The following CEP43 variants were observed in gnomAD, a reference collection of about 807,000 sequenced individuals.
CEP43 encodes the protein centrosomal protein 43.
CEP43 carries 36 observed loss-of-function variants against 52.6 expected under a neutral mutation model. The observed-to-expected ratio is 0.68, with a 90% CI of 0.52 to 0.90. The LOEUF (loss-of-function observed/expected upper bound fraction) is 0.90. Among genes scored for constraint, CEP43 ranks in the 40% least tolerant of loss-of-function variants. The pLI, the probability that CEP43 is intolerant of heterozygous loss-of-function variation, is 0.00. For missense variants in CEP43, 506 were observed against 472.8 expected (o/e 1.07, Z -0.65); for synonymous variants, 192 against 172.4 (o/e 1.11, Z -0.89).
At chr6:167,036,734 A>G in intron 12 of CEP43, 18 of 984,416 alleles carry the variant, frequency 1.8e-5, no homozygotes, top group Non-Finnish European at 2.2e-5. Context: ...ATAGTTTTGA[A>G]CTAAGTTGGT....
chr6:167,038,601 A>T (rs2128668700), intron 12 of CEP43, among the ~76,000 whole-genome samples: 1 of 152,316 alleles, frequency 6.6e-6, no homozygotes, highest in South Asian at 2.1e-4. Context: ...ATTAAATTGG[A>T]ATAATGGCTA....
At position 167,004,476 on chromosome 6, in the gene CEP43, A is replaced by G. The variant is rs2128657553; in HGVS notation, c.438+75A>G. 5 of 1,247,198 alleles carry G rather than the reference A, an allele frequency of 4.0e-6. No individual in the cohort carries two copies. The East Asian group carries it at 1.1e-4, about 26-fold the overall frequency. 77.3% of individuals were successfully genotyped at this position (1,247,198 alleles called of 1,614,324 possible). On this transcript the variant is annotated intron_variant, in intron 5 of 12. Transcript: ENST00000366847. ...AGTTTAGCCATGCAGATTAGTGCAT[A>G]TATAGTAAATTAAGGTTTTCATACT...
chr6:167,012,261 C>G (rs1168776833), intron 6 of CEP43, among the ~76,000 whole-genome samples: 1 of 152,110 alleles, frequency 6.6e-6, no homozygotes, highest in African/African-American at 2.4e-5. Context: ...GTTTGGAAAA[C>G]TAAGGAATTT....
chr6:167,036,939 G>C (rs1021134305), intron 12 of CEP43: 1 of 178,144 alleles, frequency 5.6e-6, no homozygotes, highest in Admixed American at 6.5e-5. Flanking sequence ...TGAGTAGCTA[G>C]GACCACAGGC....
In CEP43 at chr6:167,050,674, G is replaced by T. The variant is rs1448495988; in HGVS notation, c.*10696G>T. On this transcript the variant is annotated 3_prime_UTR_variant, in exon 13 of 13. Transcript: ENST00000366847. ...TGCCCGCCTATAGTCCCATCTACTT[G>T]GGAGGCTGAGGCAGGGGAATTGCTT... 2 of 151,572 alleles carry T rather than the reference G, an allele frequency of 1.3e-5. No homozygotes were observed. The highest frequency in any genetic ancestry group is 2.9e-5 in the Non-Finnish European group (2 of 68,036). The allele number at this position is 151,572 out of a possible 1,614,324, so 9.4% of individuals were successfully genotyped here.
intron 7 of CEP43, among the ~76,000 whole-genome samples, chr6:167,018,296 G>A (rs2128662518): frequency 6.6e-6 from 1 of 152,296 alleles, no homozygotes; most frequent in South Asian, 2.1e-4. Context: ...GGAGTTAGGG[G>A]TTTCAACATA....
At chr6:167,013,408 T>C (rs1230948477) in intron 6 of CEP43, 100 bp from the exon 7 acceptor site, 1 of 955,308 alleles carries the variant, frequency 1.0e-6, no homozygotes, top group Non-Finnish European at 1.6e-6. Flanking sequence ...GTTCCACTTC[T>C]GAGACATTTT....
In CEP43 at chr6:167,024,806, A is replaced by T; in HGVS notation, c.831A>T (p.Ala277=). The change falls in exon 9 of 13, where the codon GCA becomes GCT. Residue 277 remains alanine (A), a synonymous_variant. Coordinates refer to ENST00000366847, the MANE Select transcript of CEP43 (RefSeq NM_007045.4). The part of the protein sequence containing the change: ...YGLRKEPRKQ[A]GSLASLSDAP... ...GGAGGAAGGAACCTAGGAAGCAAGCAGGAAGTCTGGCCTCGCTCTCGGATG... is the reference window on the plus strand; with the variant it reads ...GGAGGAAGGAACCTAGGAAGCAAGCTGGAAGTCTGGCCTCGCTCTCGGATG... 1 of 1,613,666 alleles carries T rather than the reference A, an allele frequency of 6.2e-7. No homozygotes were observed. Among genetic ancestry groups the T allele is most frequent in the Non-Finnish European group, 8.5e-7 (1 of 1,179,688 alleles).
rs1233101163 is a variant in CEP43, at chr6:167,013,569, T to A, written c.579+2T>A. 1 of 1,613,452 alleles carries A rather than the reference T, an allele frequency of 6.2e-7. No homozygotes were observed. Among genetic ancestry groups the A allele is most frequent in the South Asian group, 1.1e-5 (1 of 91,054 alleles). ...AGCGGGCAGAAGGCTGGTGACAAGG[T>A]AACATGCATGAGGGCAGAGGAGAAA... On this transcript the variant is annotated splice_donor_variant, in intron 7 of 12. Transcript: ENST00000366847. LOFTEE classifies it high-confidence loss of function.
intron 12 of CEP43, among the ~76,000 whole-genome samples, chr6:167,035,099 C>T (rs1014907796): frequency 6.6e-6 from 1 of 152,156 alleles, no homozygotes; most frequent in Non-Finnish European, 1.5e-5. Flanking sequence ...CATTGGGGGC[C>T]TTGGATGGCG....
In CEP43 at chr6:166,999,442, C is replaced by T. The variant is rs757570793; in HGVS notation, c.30C>T (p.Ala10=). The change falls in exon 1 of 13, where the codon GCC becomes GCT. Residue 10 remains alanine, a synonymous_variant. Transcript: ENST00000366847. ...CGGCGACGGCGGCCGCAGTGGTGGC[C>T]GAGGAGGACACGGAGCTGCGGGACC... is the stretch of plus-strand genomic sequence containing the variant. MAATAAAVV[A]EEDTELRDLL... is the part of the protein sequence containing the mutation. 10 of 1,480,356 alleles carry T rather than the reference C, an allele frequency of 6.8e-6. No homozygotes were observed. Among genetic ancestry groups the T allele is most frequent in the South Asian group, 1.3e-5 (1 of 76,400 alleles). 91.7% of individuals were successfully genotyped at this position (1,480,356 alleles called of 1,614,324 possible). A position where few individuals can be genotyped will look rare whatever the true frequency, so the allele number is the denominator to read the frequency against.
intron 6 of CEP43, among the ~76,000 whole-genome samples, chr6:167,011,271 T>G (rs1169127778): frequency 1.3e-5 from 2 of 152,214 alleles, no homozygotes; most frequent in African/African-American, 4.8e-5. Context: ...TGAATGAATA[T>G]TTTAGACTTC....
intron 8 of CEP43, among the ~76,000 whole-genome samples, chr6:167,024,277 T>C (rs1301446980): frequency 6.6e-6 from 1 of 152,138 alleles, no homozygotes; most frequent in Non-Finnish European, 1.5e-5. Flanking sequence ...ATGAAATCTT[T>C]CTATAAGAAA....
chr6:167,028,411 T>C (rs73028297), intron 10 of CEP43: 15,184 of 985,336 alleles, frequency 0.015, 169 homozygotes, highest in East Asian at 0.09. Context: ...GGGGTAGTTA[T>C]GCAGGTGAGA....
intron 12 of CEP43, among the ~76,000 whole-genome samples, chr6:167,037,537 A>C (rs1018101114): frequency 1.3e-5 from 2 of 152,236 alleles, no homozygotes; most frequent in African/African-American, 4.8e-5. Flanking sequence ...ACTGTAATTA[A>C]GATTCCTAAT....
At position 167,048,370 on chromosome 6, in the gene CEP43, A is replaced by C. The variant is rs550203535; in HGVS notation, c.*8392A>C. ...ACGGTGAAACCCTGTCTCTACAAAAAAATGCAAAGATTAGCTAGGCATGAT... is the reference window on the plus strand; with the variant it reads ...ACGGTGAAACCCTGTCTCTACAAAACAATGCAAAGATTAGCTAGGCATGAT... On this transcript the variant is annotated 3_prime_UTR_variant, in exon 13 of 13. Transcript: ENST00000366847. 4.1e-4 allele frequency: 63 copies of C among 152,336 alleles called. No homozygotes were observed. Among genetic ancestry groups the C allele is most frequent in the African/African-American group, 1.5e-3 (61 of 41,568 alleles). 9.4% of individuals were successfully genotyped at this position (152,336 alleles called of 1,614,324 possible).
intron 11 of CEP43, among the ~76,000 whole-genome samples, chr6:167,032,989 A>C (rs1780502806): frequency 6.6e-6 from 1 of 151,632 alleles, no homozygotes; most frequent in Admixed American, 6.6e-5. Flanking sequence ...TGTGGCGGGA[A>C]TTGTCTCAAA....
Position 167,041,412 on chromosome 6 carries a change from T to G in CEP43, c.*1434T>G. On this transcript the variant is annotated 3_prime_UTR_variant, in exon 13 of 13. Transcript: ENST00000366847. The stretch of plus-strand genomic sequence containing the variant: ...CTGGGAGCCCTGTGTATTTCTGCCC[T>G]CCGTCTGTGAGCTGCTATCTCAGTC... 4 of 1,061,084 alleles carry G rather than the reference T, an allele frequency of 3.8e-6. No individual in the cohort carries two copies. The highest frequency in any genetic ancestry group is 4.6e-6 in the Non-Finnish European group (4 of 876,572). The allele number at this position is 1,061,084 out of a possible 1,614,324, so 65.7% of individuals were successfully genotyped here. A position where few individuals can be genotyped will look rare whatever the true frequency, so the allele number is the denominator to read the frequency against.
intron 8 of CEP43, 151 bp downstream of exon 8, chr6:167,022,786 AAAAC>A (rs1780266623): frequency 1.6e-6 from 1 of 635,630 alleles, no homozygotes; most frequent in South Asian, 2.0e-5. Context: ...TTCATGTTGT[AAAAC>A]AATCCCAGAT....
Sources: gnomAD v4.1 joint callset for allele counts (sites outside exome capture counted in the v4.1 genomes callset) on GRCh38, gnomAD v4.1.1 for gene constraint, MANE v1.5 for transcripts, NCBI Gene and HGNC (gene_info 2026-07-23, HGNC 2026-07-21) for gene names.